LRMDA: variants seen among roughly 807,000 people sequenced by gnomAD.
The protein encoded by LRMDA is leucine-rich melanocyte differentiation-associated protein.
Under a neutral mutation model 29.8 loss-of-function variants are expected in LRMDA, and 18 were observed. That is an observed-to-expected ratio of 0.60 (90% CI 0.42 to 0.90). The LOEUF is 0.90. LRMDA is among the 40% of genes least tolerant of loss of function. The pLI is 0.00. For synonymous variants in LRMDA, 125 were observed against 109.4 expected, an observed-to-expected ratio of 1.14 and a Z score of -0.89; for missense variants, 273 against 273.9, an observed-to-expected ratio of 1.00 and a Z score of 0.02.
chr10:75,479,604 T>TACTC (rs144081810), intron 2 of LRMDA, among the ~76,000 whole-genome samples: 1,648 of 152,248 alleles, frequency 0.011, 34 homozygotes, highest in African/African-American at 0.038. Flanking sequence ...TTCATTCATT[T>TACTC]ACTCACTCAC....
At chr10:76,357,237 C>G (rs1841252842) in intron 6 of LRMDA, among the ~76,000 whole-genome samples, 2 of 152,136 alleles carry the variant, frequency 1.3e-5, no homozygotes, top group Admixed American at 1.3e-4. Context: ...GTTTTGGAAG[C>G]TTTCTTCTTG....
chr10:76,362,232 T>G (rs925082423), intron 6 of LRMDA, among the ~76,000 whole-genome samples: 2 of 152,206 alleles, frequency 1.3e-5, no homozygotes, highest in African/African-American at 4.8e-5. Context: ...TAGCTGACAT[T>G]CAAGGCACAA....
intron 5 of LRMDA, among the ~76,000 whole-genome samples, chr10:76,305,439 T>G (rs980343921): frequency 6.6e-6 from 1 of 152,164 alleles, no homozygotes; most frequent in African/African-American, 2.4e-5. Flanking sequence ...TCTTTCATGG[T>G]CAGGACATTG....
chr10:76,186,757 C>T (rs1256435307), intron 5 of LRMDA, among the ~76,000 whole-genome samples: 1 of 152,160 alleles, frequency 6.6e-6, no homozygotes, highest in Non-Finnish European at 1.5e-5. Context: ...TAGACTCAGT[C>T]CCTGCCCTCA....
chr10:75,793,390 T>A (rs2132254186), intron 2 of LRMDA, among the ~76,000 whole-genome samples: 1 of 152,310 alleles, frequency 6.6e-6, no homozygotes, highest in African/African-American at 2.4e-5. Flanking sequence ...TAGGGGCAAC[T>A]TTTGGAATTT....
At chr10:75,554,085 C>A (rs114143758) in intron 2 of LRMDA, among the ~76,000 whole-genome samples, 1,979 of 152,268 alleles carry the variant, frequency 0.013, 45 homozygotes, top group African/African-American at 0.045. Flanking sequence ...AGGGACTAGT[C>A]ACACTTTGAA....
intron 2 of LRMDA, among the ~76,000 whole-genome samples, chr10:75,911,390 A>C (rs1845841122): frequency 6.6e-6 from 1 of 152,174 alleles, no homozygotes; most frequent in South Asian, 2.1e-4. Context: ...TCCTGGGCAC[A>C]GACAGTGCTA....
At chr10:76,076,367 A>AAAG (rs1848958107) in intron 5 of LRMDA, among the ~76,000 whole-genome samples, 1 of 151,226 alleles carries the variant, frequency 6.6e-6, no homozygotes. Flanking sequence ...AAAAAAAAAA[A>AAAG]AGACTTAACA....
At chr10:75,700,437 CTTT>C (rs1156446140) in intron 2 of LRMDA, among the ~76,000 whole-genome samples, 3 of 135,686 alleles carry the variant, frequency 2.2e-5, no homozygotes, top group Admixed American at 1.5e-4. Flanking sequence ...CTTTCTCATT[CTTT>C]TTTTTTTTTT....
chr10:75,881,539 C>G (rs1845293681), intron 2 of LRMDA, among the ~76,000 whole-genome samples: 1 of 152,214 alleles, frequency 6.6e-6, no homozygotes, highest in Non-Finnish European at 1.5e-5. Flanking sequence ...GAAAGTACCT[C>G]TGATTGATGG....
intron 2 of LRMDA, among the ~76,000 whole-genome samples, chr10:75,565,124 C>T (rs1025452960): frequency 2.0e-5 from 3 of 152,184 alleles, no homozygotes; most frequent in African/African-American, 7.2e-5. Flanking sequence ...GAAGCAAAAG[C>T]TTTGGTACCA....
chr10:75,939,240 G>A (rs1260703652), intron 2 of LRMDA, among the ~76,000 whole-genome samples: 1 of 152,194 alleles, frequency 6.6e-6, no homozygotes, highest in Admixed American at 6.5e-5. Flanking sequence ...CAACACAGAG[G>A]GGCTGGAGTA....
intron 2 of LRMDA, among the ~76,000 whole-genome samples, chr10:75,942,194 G>A (rs1242125909): frequency 2.0e-5 from 3 of 152,056 alleles, no homozygotes; most frequent in East Asian, 1.9e-4. Flanking sequence ...TAAACTCAGT[G>A]TTTATCATAC....
At chr10:75,660,609 C>T (rs2132134322) in intron 2 of LRMDA, among the ~76,000 whole-genome samples, 1 of 152,090 alleles carries the variant, frequency 6.6e-6, no homozygotes, top group South Asian at 2.1e-4. Context: ...GTTGCAGCCA[C>T]TTTACAAGCA....
intron 2 of LRMDA, among the ~76,000 whole-genome samples, chr10:75,977,525 AT>A (rs985733996): frequency 1.3e-5 from 2 of 152,076 alleles, no homozygotes; most frequent in Admixed American, 6.5e-5. Flanking sequence ...TCTTTTTAAT[AT>A]TTTTTTCCAC....
chr10:75,797,400 T>G (rs1296522552), intron 2 of LRMDA, among the ~76,000 whole-genome samples: 1 of 152,188 alleles, frequency 6.6e-6, no homozygotes, highest in African/African-American at 2.4e-5. Context: ...TTATTTGAGG[T>G]ACAATTTGCA....
chr10:76,109,365 T>G (rs1849538553), intron 5 of LRMDA, among the ~76,000 whole-genome samples: 1 of 152,220 alleles, frequency 6.6e-6, no homozygotes, highest in South Asian at 2.1e-4. Flanking sequence ...GCAAAATCAA[T>G]CAAGTCTTCC....
chr10:75,657,224 G>C (rs1841687985), intron 2 of LRMDA, among the ~76,000 whole-genome samples: 1 of 152,210 alleles, frequency 6.6e-6, no homozygotes, highest in Admixed American at 6.5e-5. Context: ...AAAAATAAGA[G>C]ACTTAGTGTC....
At chr10:75,494,515 C>CAT (rs1845023283) in intron 2 of LRMDA, among the ~76,000 whole-genome samples, 2 of 102,868 alleles carry the variant, frequency 1.9e-5, no homozygotes, top group Non-Finnish European at 3.6e-5. Flanking sequence ...ATGTTTGTTC[C>CAT]TTTTTTTTTT....
Sources: gnomAD v4.1 joint callset for allele counts (sites outside exome capture counted in the v4.1 genomes callset) on GRCh38, gnomAD v4.1.1 for gene constraint, MANE v1.5 for transcripts, NCBI Gene and HGNC (gene_info 2026-07-23, HGNC 2026-07-21) for gene names.